The following DEPTOR variants were observed in gnomAD, a reference collection of about 807,000 sequenced individuals.
The protein encoded by DEPTOR is DEP domain containing MTOR interacting protein.
A neutral mutation model predicts 41.6 loss-of-function variants in DEPTOR; 41 were observed. That is an observed-to-expected ratio of 0.98 (90% CI 0.77 to 1.28). DEPTOR has a LOEUF of 1.28. Among genes scored for constraint, DEPTOR ranks in the 50% most tolerant of loss-of-function variants. The probability of loss-of-function intolerance (pLI) is 0.00; values close to 1 mark genes in which losing one functional copy is unlikely to be tolerated. For synonymous variants in DEPTOR, 195 were observed against 192.3 expected, an observed-to-expected ratio of 1.01 and a Z score of -0.12; for missense variants, 514 against 527.9, an observed-to-expected ratio of 0.97 and a Z score of 0.26.
At chr8:120,022,157 TAAAAAA>T (rs34125548) in intron 8 of DEPTOR, among the ~76,000 whole-genome samples, 1 of 93,726 alleles carries the variant, frequency 1.1e-5, no homozygotes, top group Non-Finnish European at 2.1e-5. Context: ...GACCCCATCT[TAAAAAA>T]AAAAAAAAAA....
chr8:119,929,593 TG>T (rs1324329820), intron 2 of DEPTOR, among the ~76,000 whole-genome samples: 1 of 152,066 alleles, frequency 6.6e-6, no homozygotes, highest in Non-Finnish European at 1.5e-5. Flanking sequence ...ATGATGACTA[TG>T]GTGATGGTGA....
At chr8:119,991,090 T>TTTCTTTCTTTC (rs1563584682) in intron 4 of DEPTOR, among the ~76,000 whole-genome samples, 1 of 90,798 alleles carries the variant, frequency 1.1e-5, no homozygotes. Context: ...TTCTTTCTTT[T>TTTCTTTCTTTC]TCTTTCTTTC....
intron 4 of DEPTOR, among the ~76,000 whole-genome samples, chr8:119,988,162 TG>T (rs1347900127): frequency 6.6e-6 from 1 of 152,186 alleles, no homozygotes; most frequent in Non-Finnish European, 1.5e-5. Context: ...GGGAATCTCC[TG>T]GTCTGCGGGT....
chr8:119,952,858 G>T (rs1430545890), intron 3 of DEPTOR, among the ~76,000 whole-genome samples: 2 of 152,178 alleles, frequency 1.3e-5, no homozygotes, highest in East Asian at 3.8e-4. Flanking sequence ...TGATATGCAG[G>T]CTGGTGAAGG....
Position 119,888,461 on chromosome 8 carries a change from G to A in DEPTOR, c.122+14493G>A, listed in dbSNP as rs148345897. 5.0e-3 allele frequency among the ~76,000 whole-genome samples: 763 copies of A among 152,182 alleles called. 10 individuals are homozygous for A. The highest frequency in any genetic ancestry group is 0.018 in the African/African-American group (741 of 41,524). On this transcript the variant is annotated intron_variant, in intron 1 of 8. Coordinates refer to ENST00000286234, the MANE Select transcript of DEPTOR (RefSeq NM_022783.4). ...AAGTTGACTCAACAGTGGCATAAAG[G>A]GCTCTGTCTTCCTGTTGAATTCTGG...
At chr8:119,944,737 C>G (rs756014264) in intron 3 of DEPTOR, among the ~76,000 whole-genome samples, 2 of 151,638 alleles carry the variant, frequency 1.3e-5, no homozygotes, top group African/African-American at 2.4e-5. Flanking sequence ...TTACTGCAAC[C>G]TCCGCCTCCT....
chr8:119,915,835 C>T (rs769756108), intron 1 of DEPTOR, among the ~76,000 whole-genome samples: 8 of 151,332 alleles, frequency 5.3e-5, no homozygotes, highest in Non-Finnish European at 1.2e-4. Flanking sequence ...TCTGCTTTGA[C>T]TTACCACTCC....
At chr8:119,986,872 G>C (rs1586645720) in intron 4 of DEPTOR, among the ~76,000 whole-genome samples, 1 of 151,434 alleles carries the variant, frequency 6.6e-6, no homozygotes, top group Admixed American at 6.6e-5. Context: ...TGATTTTTCA[G>C]CTTTATCAGG....
intron 5 of DEPTOR, among the ~76,000 whole-genome samples, 186 bp from the exon 6 acceptor site, chr8:120,002,791 A>AAAAAATATATATATATATATATATAT: frequency 4.3e-4 from 26 of 60,638 alleles, no homozygotes; most frequent in East Asian, 5.2e-4. Context: ...AAAAAAAAAA[A>AAAAAATATATATATATATATATATAT]ATATATATAT....
intron 3 of DEPTOR, among the ~76,000 whole-genome samples, chr8:119,960,006 G>A (rs1477741144): frequency 6.6e-6 from 1 of 152,040 alleles, no homozygotes; most frequent in Non-Finnish European, 1.5e-5. Flanking sequence ...GAGGTGGGCA[G>A]ATCACGAGGT....
chr8:119,876,848 A>G (rs940270982), intron 1 of DEPTOR, among the ~76,000 whole-genome samples: 12 of 152,156 alleles, frequency 7.9e-5, no homozygotes, highest in African/African-American at 2.9e-4. Flanking sequence ...GACAATGAAG[A>G]TGAATGTATT....
rs111816415 is a variant in DEPTOR, at chr8:119,979,537, A to C, written c.604+14127A>C. Among the ~76,000 whole-genome samples the C allele has an allele frequency of 8.5e-4, 130 of 152,282 alleles. 2 individuals are homozygous for C. The highest frequency in any genetic ancestry group is 3.1e-3 in the African/African-American group (127 of 41,572). ...CTTGGCCTCCTAAAGTGCTGGAATT[A>C]CAGGTGTGAGCTACTGCACCTGGCC... On this transcript the variant is annotated intron_variant, in intron 4 of 8. Coordinates refer to ENST00000286234, the MANE Select transcript of DEPTOR (RefSeq NM_022783.4).
chr8:120,014,902 T>A (rs893000302), intron 8 of DEPTOR, among the ~76,000 whole-genome samples: 1 of 67,042 alleles, frequency 1.5e-5, no homozygotes, highest in East Asian at 3.4e-4. Context: ...CCTTGAATGA[T>A]ATAATCTTTT....
intron 1 of DEPTOR, among the ~76,000 whole-genome samples, chr8:119,910,166 C>T (rs1827719182): frequency 6.6e-6 from 1 of 152,194 alleles, no homozygotes; most frequent in Admixed American, 6.6e-5. Context: ...CATTGGGAAA[C>T]AGGTAGTCTG....
At chr8:119,922,713 A>G (rs1031785125) in intron 1 of DEPTOR, among the ~76,000 whole-genome samples, 2 of 152,252 alleles carry the variant, frequency 1.3e-5, no homozygotes, top group African/African-American at 4.8e-5. Context: ...GCATAAGATT[A>G]TCTTCATTTT....
chr8:119,922,669 A>G (rs903996225), intron 1 of DEPTOR, among the ~76,000 whole-genome samples: 4 of 152,338 alleles, frequency 2.6e-5, no homozygotes, highest in Non-Finnish European at 5.9e-5. Flanking sequence ...ATTAATGCCC[A>G]TAAAGCAGTT....
intron 1 of DEPTOR, among the ~76,000 whole-genome samples, chr8:119,892,916 G>A (rs1827469838): frequency 6.6e-6 from 1 of 151,988 alleles, no homozygotes; most frequent in Admixed American, 6.6e-5. Context: ...CTTAGTAGCT[G>A]GGATTACAGA....
chr8:119,992,481 T>C (rs1812187104), intron 4 of DEPTOR, among the ~76,000 whole-genome samples: 1 of 152,102 alleles, frequency 6.6e-6, no homozygotes, highest in Non-Finnish European at 1.5e-5. Context: ...TTTTTGATGA[T>C]GTGTCATCCA....
chr8:119,897,603 G>A (rs1163477572), intron 1 of DEPTOR, among the ~76,000 whole-genome samples: 1 of 152,192 alleles, frequency 6.6e-6, no homozygotes, highest in Non-Finnish European at 1.5e-5. Flanking sequence ...CTCGATTTCT[G>A]TAAGCACTGG....
Sources: allele counts gnomAD v4.1 joint callset (sites outside exome capture counted in the v4.1 genomes callset), GRCh38; gene constraint gnomAD v4.1.1; transcripts MANE v1.5; gene names NCBI Gene and HGNC (gene_info 2026-07-23, HGNC 2026-07-21).